ANKFY1: variants seen among roughly 807,000 people sequenced by gnomAD.
The protein encoded by ANKFY1 is ankyrin repeat and FYVE domain containing 1.
ANKFY1 carries 47 observed loss-of-function variants against 128.3 expected under a neutral mutation model. The ratio of observed to expected loss-of-function variants is 0.37; its 90% CI spans 0.29 to 0.47. The LOEUF is 0.47. Ranked by LOEUF, ANKFY1 falls within the 20% of genes least tolerant of loss-of-function variation. The pLI is 1.00. For missense variants in ANKFY1, 1,222 were observed against 1,510.6 expected, an observed-to-expected ratio of 0.81 and a Z score of 3.17; for synonymous variants, 553 against 601.6, an observed-to-expected ratio of 0.92 and a Z score of 1.18.
chr17:4,263,328 C>A (rs1315509411), intron 1 of ANKFY1, among the ~76,000 whole-genome samples: 1 of 152,192 alleles, frequency 6.6e-6, no homozygotes, highest in African/African-American at 2.4e-5. Context: ...AGCAGTGTGA[C>A]CTTGGCCAAC....
At chr17:4,205,727 A>G (rs1224988384) in intron 7 of ANKFY1, among the ~76,000 whole-genome samples, 5 of 139,162 alleles carry the variant, frequency 3.6e-5, no homozygotes, top group African/African-American at 1.3e-4. Context: ...GGGCGACAGA[A>G]CAAGACTCCG....
chr17:4,194,086 C>CATATATATATAT (rs200667678), intron 10 of ANKFY1, among the ~76,000 whole-genome samples: 2 of 46,494 alleles, frequency 4.3e-5, no homozygotes, highest in African/African-American at 1.1e-4. Flanking sequence ...CACGCCCGGC[C>CATATATATATAT]ATATATATAT....
intron 1 of ANKFY1, among the ~76,000 whole-genome samples, chr17:4,261,837 A>G (rs1002875851): frequency 6.6e-5 from 10 of 152,188 alleles, no homozygotes; most frequent in Non-Finnish European, 1.0e-4. Context: ...CTCACAGAAG[A>G]CCTTCCTGAA....
intron 3 of ANKFY1, chr17:4,223,042 AAG>A: frequency 1.3e-6 from 1 of 751,794 alleles, no homozygotes. Context: ...GATGTACTCC[AAG>A]AAGGTACTCT....
rs1598090444 is a variant in ANKFY1, at chr17:4,215,027, G to A, written c.458+1956C>T. On this transcript the variant is annotated intron_variant, in intron 4 of 24. Coordinates refer to ENST00000341657, the MANE Select transcript of ANKFY1 (RefSeq NM_001330063.2). ...AGATTAGCCAGGCACGGTAGGTCAC[G>A]CCTGTAATCCCAGCACTTTGGGAGG... 2.0e-5 allele frequency among the ~76,000 whole-genome samples: 3 copies of A among 152,168 alleles called. No homozygotes were observed. The South Asian group carries it at 6.2e-4, about 32-fold the overall frequency.
intron 9 of ANKFY1, 34 bp from the exon 10 acceptor site, chr17:4,195,211 A>C (rs750254914): frequency 1.3e-6 from 2 of 1,566,846 alleles, no homozygotes; most frequent in Non-Finnish European, 1.7e-6. Context: ...CAGCACATAC[A>C]ATCTTTTTGA....
chr17:4,255,243 C>CTTT (rs1177087196), intron 1 of ANKFY1, among the ~76,000 whole-genome samples: 54 of 119,864 alleles, frequency 4.5e-4, no homozygotes, highest in Middle Eastern at 4.3e-3. Flanking sequence ...TCATGTAATT[C>CTTT]TTTTTTTTTT....
At position 4,165,126 on chromosome 17, in the gene ANKFY1, A is replaced by C. The variant is rs2059188967; in HGVS notation, c.*2653T>G. ...CGGTGTTAGAGGATCATAGCAAATT[A>C]GTTTAAGCCATTCGATTTATATATA... On this transcript the variant is annotated 3_prime_UTR_variant, in exon 25 of 25. Coordinates refer to ENST00000341657, the MANE Select transcript of ANKFY1 (RefSeq NM_001330063.2). 1 of 152,232 alleles carries C rather than the reference A, an allele frequency of 6.6e-6. No individual in the cohort carries two copies. 9.4% of individuals were successfully genotyped at this position (152,232 alleles called of 1,614,324 possible). A position where few individuals can be genotyped will look rare whatever the true frequency, so the allele number is the denominator to read the frequency against.
chr17:4,249,546 T>G (rs1305447246), intron 1 of ANKFY1, among the ~76,000 whole-genome samples: 4 of 152,226 alleles, frequency 2.6e-5, no homozygotes, highest in Admixed American at 2.6e-4. Context: ...CCCCTGCTGG[T>G]GATTTTAAAG....
At chr17:4,239,002 C>T (rs1967064074) in intron 2 of ANKFY1, among the ~76,000 whole-genome samples, 1 of 152,202 alleles carries the variant, frequency 6.6e-6, no homozygotes, top group South Asian at 2.1e-4. Flanking sequence ...AAGCAATCCA[C>T]CTGCCTCAGC....
Position 4,184,029 on chromosome 17 carries a change from AAG to A in ANKFY1, c.1700-121_1700-120del, listed in dbSNP as rs1009054939. The A allele has an allele frequency of 3.8e-4, 295 of 783,456 alleles. 2 individuals carry two copies. The highest frequency in any genetic ancestry group is 1.4e-3 in the Middle Eastern group (6 of 4,268). The allele number at this position is 783,456 out of a possible 1,614,324, so 48.5% of individuals were successfully genotyped here. On this transcript the variant is annotated intron_variant, in intron 12 of 24. Transcript: ENST00000341657. ...GGTATAATATGATCAATGCTATAAA[AAG>A]AGAGTAGATAAATCTTGTCAAGACT... is the stretch of plus-strand genomic sequence containing the variant.
At chr17:4,190,874 T>C (rs1307931907) in intron 10 of ANKFY1, among the ~76,000 whole-genome samples, 1 of 152,102 alleles carries the variant, frequency 6.6e-6, no homozygotes, top group African/African-American at 2.4e-5. Context: ...CGGTGGCTCA[T>C]TGCCTGTCAT....
intron 19 of ANKFY1, among the ~76,000 whole-genome samples, chr17:4,174,318 C>T (rs1347180408): frequency 2.0e-5 from 3 of 152,112 alleles, no homozygotes; most frequent in Admixed American, 6.5e-5. Flanking sequence ...CTAAGGTTTT[C>T]GTGTATAAAA....
chr17:4,261,267 T>G (rs1178023333), intron 1 of ANKFY1, among the ~76,000 whole-genome samples: 1 of 152,190 alleles, frequency 6.6e-6, no homozygotes, highest in Non-Finnish European at 1.5e-5. Context: ...GGCCGGCAGA[T>G]CAGCTGAGGT....
At chr17:4,252,451 C>A (rs2143502708) in intron 1 of ANKFY1, among the ~76,000 whole-genome samples, 1 of 152,198 alleles carries the variant, frequency 6.6e-6, no homozygotes, top group South Asian at 2.1e-4. Context: ...CACCTGCAGT[C>A]CTAGCCACTT....
chr17:4,197,084 G>C (rs1488149879), intron 8 of ANKFY1, among the ~76,000 whole-genome samples: 1 of 152,030 alleles, frequency 6.6e-6, no homozygotes, highest in African/African-American at 2.4e-5. Flanking sequence ...ATACCACTGC[G>C]CTCCAGCCTG....
At chr17:4,240,784 T>C (rs527342164) in intron 2 of ANKFY1, among the ~76,000 whole-genome samples, 1 of 152,256 alleles carries the variant, frequency 6.6e-6, no homozygotes, top group South Asian at 2.1e-4. Context: ...AAGTCCAAAC[T>C]CCTCACCTGA....
rs1440571045 is a variant in ANKFY1 at position 4,169,505 on chromosome 17, C to T, written c.3287-217G>A. On this transcript the variant is annotated intron_variant, in intron 23 of 24. Coordinates refer to ENST00000341657, the MANE Select transcript of ANKFY1 (RefSeq NM_001330063.2). The surrounding 1 kb of genome is among the most constrained non-coding windows in gnomAD (Gnocchi z 5.0). ...CCCGGGAGACTTGGGGAGAAGGAAA[C>T]GGTGGTCAACGAGGTGAACCAGTGT... Among the ~76,000 whole-genome samples, 2 of 152,158 alleles carry T rather than the reference C, an allele frequency of 1.3e-5. No homozygotes were observed. Among genetic ancestry groups the T allele is most frequent in the African/African-American group, 2.4e-5 (1 of 41,428 alleles).
intron 3 of ANKFY1, among the ~76,000 whole-genome samples, chr17:4,226,543 G>A (rs535764602): frequency 2.4e-4 from 37 of 151,742 alleles, no homozygotes; most frequent in African/African-American, 8.7e-4. Flanking sequence ...AAGGAGAACG[G>A]GAGAGCAAAG....
Sources: gnomAD v4.1 joint callset for allele counts (sites outside exome capture counted in the v4.1 genomes callset) on GRCh38, gnomAD v4.1.1 for gene constraint, Gnocchi (gnomAD v3.1) non-coding constraint, MANE v1.5 for transcripts, NCBI Gene and HGNC (gene_info 2026-07-23, HGNC 2026-07-21) for gene names.